Variants in STAM observed in about 807,000 individuals in gnomAD.
STAM encodes the protein signal transducing adaptor molecule.
Under a neutral mutation model 63.4 loss-of-function variants are expected in STAM, and 16 were observed. That is an observed-to-expected ratio of 0.25 (90% confidence interval 0.17 to 0.38). The LOEUF (loss-of-function observed/expected upper bound fraction) is 0.38. STAM is among the 10% of genes least tolerant of loss of function. The probability of loss-of-function intolerance (pLI) is 1.00; values close to 1 mark genes in which losing one functional copy is unlikely to be tolerated. For missense variants in STAM, 636 were observed against 657.1 expected (o/e 0.97, Z 0.35); for synonymous variants, 238 against 223.9 (o/e 1.06, Z -0.56).
intron 1 of STAM, among the ~76,000 whole-genome samples, chr10:17,650,239 T>A (rs1554821361): frequency 1.3e-5 from 2 of 152,194 alleles, no homozygotes; most frequent in African/African-American, 4.8e-5. Context: ...TCTTAGTAAA[T>A]GGACACAATG....
intron 2 of STAM, among the ~76,000 whole-genome samples, chr10:17,680,244 A>G (rs1233071166): frequency 1.3e-5 from 2 of 149,818 alleles, no homozygotes; most frequent in Non-Finnish European, 3.0e-5. Context: ...TACCATCTTA[A>G]TGGTATTAAA....
rs1237323040 is a variant in STAM at position 17,716,258 on chromosome 10, G to A, written c.*1478G>A. Among the ~76,000 whole-genome samples the A allele has an allele frequency of 1.3e-5, 2 of 151,966 alleles. No individual in the cohort carries two copies. Among genetic ancestry groups the A allele is most frequent in the African/African-American group, 4.8e-5 (2 of 41,368 alleles). Reference sequence around the variant, plus strand: ...TATTTTCTAAGACTGTTGTAATCAGGTAGCTTGTTTATTTTCTTTTTGAGA... The same window carrying A: ...TATTTTCTAAGACTGTTGTAATCAGATAGCTTGTTTATTTTCTTTTTGAGA... On this transcript the variant is annotated 3_prime_UTR_variant, in exon 14 of 14. Coordinates refer to ENST00000377524, the MANE Select transcript of STAM (RefSeq NM_003473.4).
intron 2 of STAM, among the ~76,000 whole-genome samples, chr10:17,662,037 A>G (rs1834192639): frequency 2.0e-5 from 3 of 152,042 alleles, no homozygotes; most frequent in Admixed American, 1.3e-4. Context: ...TTTACTTTGG[A>G]CGTTCCTTAC....
intron 2 of STAM, among the ~76,000 whole-genome samples, chr10:17,675,313 G>C (rs1554824528): frequency 6.6e-6 from 1 of 152,142 alleles, no homozygotes; most frequent in Non-Finnish European, 1.5e-5. Flanking sequence ...AGACCAGCCT[G>C]GCCAATGTGG....
intron 9 of STAM, among the ~76,000 whole-genome samples, chr10:17,700,950 T>C (rs147998284): frequency 6.6e-6 from 1 of 152,378 alleles, no homozygotes; most frequent in Non-Finnish European, 1.5e-5. Flanking sequence ...GATTCCTCCT[T>C]GTGTTGAACA....
At chr10:17,704,213 C>T (rs1282659213) in intron 9 of STAM, among the ~76,000 whole-genome samples, 1 of 152,138 alleles carries the variant, frequency 6.6e-6, no homozygotes, top group Non-Finnish European at 1.5e-5. Context: ...CCACCTCAGC[C>T]TCCTGAGCAG....
intron 5 of STAM, among the ~76,000 whole-genome samples, chr10:17,690,336 C>G (rs1835477275): frequency 6.6e-6 from 1 of 152,130 alleles, no homozygotes; most frequent in Admixed American, 6.5e-5. Flanking sequence ...TTCTCTTGTT[C>G]AAGAAATTCA....
intron 9 of STAM, among the ~76,000 whole-genome samples, chr10:17,703,345 T>C (rs1589106325): frequency 6.6e-6 from 1 of 151,938 alleles, no homozygotes; most frequent in African/African-American, 2.4e-5. Context: ...TTTTTTTTTT[T>C]AGCATACTTA....
At chr10:17,672,239 A>G (rs1157553453) in intron 2 of STAM, among the ~76,000 whole-genome samples, 2 of 152,226 alleles carry the variant, frequency 1.3e-5, no homozygotes, top group African/African-American at 2.4e-5. Context: ...CAGTATACCT[A>G]TAAGTAGATA....
chr10:17,667,579 C>T (rs2131596034), intron 2 of STAM, among the ~76,000 whole-genome samples: 1 of 152,304 alleles, frequency 6.6e-6, no homozygotes, highest in Middle Eastern at 3.4e-3. Flanking sequence ...TTTGGCTATA[C>T]AGTGGTGAAT....
intron 2 of STAM, among the ~76,000 whole-genome samples, chr10:17,681,560 A>T (rs914915588): frequency 1.3e-5 from 2 of 152,184 alleles, no homozygotes; most frequent in Non-Finnish European, 1.5e-5. Flanking sequence ...TTCTAGTTCA[A>T]ATAATTTATA....
chr10:17,679,124 T>G (rs935568911), intron 2 of STAM, among the ~76,000 whole-genome samples: 1 of 152,190 alleles, frequency 6.6e-6, no homozygotes, highest in Admixed American at 6.5e-5. Flanking sequence ...TTATGCTTAA[T>G]TTTTTGAGGA....
chr10:17,653,284 C>A (rs551071090), intron 1 of STAM, among the ~76,000 whole-genome samples: 1 of 152,120 alleles, frequency 6.6e-6, no homozygotes, highest in Admixed American at 6.5e-5. Context: ...CCGAATATTC[C>A]GCGATAAAAA....
At chr10:17,711,299 G>A (rs1010895305) in intron 13 of STAM, among the ~76,000 whole-genome samples, 34 of 152,214 alleles carry the variant, frequency 2.2e-4, no homozygotes, top group African/African-American at 7.7e-4. Flanking sequence ...TGTAGCGATG[G>A]TAGTATTATA....
chr10:17,705,578 C>T lies in STAM; in HGVS notation c.1056-10C>T. 6.2e-7 allele frequency: 1 copy of T among 1,608,138 alleles called. No homozygotes were observed. On this transcript the variant is annotated splice_polypyrimidine_tract_variant and intron_variant, in intron 11 of 13. Coordinates refer to ENST00000377524, the MANE Select transcript of STAM (RefSeq NM_003473.4). ...ACAGCTATGCTTCAAATTATTGTGTCATGTTTCAGAAAACATTCAGAACTC... is the reference window on the plus strand; with the variant it reads ...ACAGCTATGCTTCAAATTATTGTGTTATGTTTCAGAAAACATTCAGAACTC...
At chr10:17,650,650 A>G (rs1181673392) in intron 1 of STAM, among the ~76,000 whole-genome samples, 3 of 152,176 alleles carry the variant, frequency 2.0e-5, no homozygotes, top group African/African-American at 7.2e-5. Flanking sequence ...CCACTCTCTC[A>G]GATTAGTACA....
At chr10:17,678,977 A>T (rs1367043042) in intron 2 of STAM, among the ~76,000 whole-genome samples, 2 of 152,210 alleles carry the variant, frequency 1.3e-5, no homozygotes, top group African/African-American at 4.8e-5. Context: ...TTAAGGCTGA[A>T]TACTATTCCA....
rs201039968 is a variant in STAM at position 17,700,240 on chromosome 10, G to A, written c.873G>A (p.Glu291=). 2.5e-6 allele frequency: 4 copies of A among 1,610,686 alleles called. No homozygotes were observed. Among genetic ancestry groups the A allele is most frequent in the Non-Finnish European group, 3.4e-6 (4 of 1,178,328 alleles). The part of the protein sequence containing the change: ...TVQFSDDVQV[E]TIEPEPEPAF... ...AATTTAGTGATGATGTTCAGGTAGA[G>A]ACAATAGAACCAGAGCCGGAACCAG... Residue 291 remains glutamate, a synonymous_variant, in exon 9 of 14, where the codon GAG becomes GAA. Coordinates refer to ENST00000377524, the MANE Select transcript of STAM (RefSeq NM_003473.4).
intron 13 of STAM, among the ~76,000 whole-genome samples, chr10:17,711,785 C>T (rs114132617): frequency 3.9e-5 from 6 of 152,016 alleles, no homozygotes; most frequent in African/African-American, 1.4e-4. Context: ...CTGCCAAGGT[C>T]GAAGAATGCT....
Sources: allele counts gnomAD v4.1 joint callset (sites outside exome capture counted in the v4.1 genomes callset), GRCh38; gene constraint gnomAD v4.1.1; transcripts MANE v1.5; gene names NCBI Gene and HGNC (gene_info 2026-07-23, HGNC 2026-07-21).